Variants in CWC27 observed in about 807,000 individuals in gnomAD.
CWC27 encodes CWC27 spliceosome associated cyclophilin.
Under a neutral mutation model 63.6 loss-of-function variants are expected in CWC27, and 47 were observed. The observed-to-expected ratio is 0.74, with a 90% CI of 0.58 to 0.94. The LOEUF is 0.94. CWC27 is among the 40% of genes least tolerant of loss of function. CWC27 has a pLI of 0.00. For missense variants in CWC27, 495 were observed against 554.3 expected (o/e 0.89, Z 1.07); for synonymous variants, 175 against 179.8 (o/e 0.97, Z 0.22).
At chr5:64,812,469 C>T (rs1327743094) in intron 10 of CWC27, among the ~76,000 whole-genome samples, 1 of 152,082 alleles carries the variant, frequency 6.6e-6, no homozygotes, top group African/African-American at 2.4e-5. Flanking sequence ...GATCTATATA[C>T]TGGGTAGTTG....
At chr5:64,963,576 T>G (rs1748958371) in intron 11 of CWC27, among the ~76,000 whole-genome samples, 1 of 152,170 alleles carries the variant, frequency 6.6e-6, no homozygotes. Flanking sequence ...ATACACCAAG[T>G]TAGGAAATAG....
chr5:64,835,677 C>T (rs1745641541), intron 10 of CWC27, among the ~76,000 whole-genome samples: 1 of 151,686 alleles, frequency 6.6e-6, no homozygotes. Flanking sequence ...TGTGTGGAAC[C>T]TCAGTCTCTT....
At chr5:64,868,393 T>A (rs1746582405) in intron 10 of CWC27, among the ~76,000 whole-genome samples, 1 of 152,122 alleles carries the variant, frequency 6.6e-6, no homozygotes, top group Non-Finnish European at 1.5e-5. Flanking sequence ...TGAAGTTTGA[T>A]CAAATGTAAA....
intron 4 of CWC27, among the ~76,000 whole-genome samples, chr5:64,784,817 G>C (rs1212436161): frequency 1.3e-5 from 2 of 152,146 alleles, no homozygotes; most frequent in Non-Finnish European, 2.9e-5. Flanking sequence ...ATATGCATTG[G>C]CACATTCTTT....
intron 13 of CWC27, among the ~76,000 whole-genome samples, chr5:65,010,078 T>C (rs1268587368): frequency 6.6e-6 from 1 of 152,174 alleles, no homozygotes; most frequent in African/African-American, 2.4e-5. Flanking sequence ...ACTCAGGGCT[T>C]CTGAGTGCAT....
intron 10 of CWC27, among the ~76,000 whole-genome samples, chr5:64,833,289 A>G (rs1745576964): frequency 6.6e-6 from 1 of 151,760 alleles, no homozygotes; most frequent in Non-Finnish European, 1.5e-5. Flanking sequence ...AATGACACAT[A>G]GTTTAGTTCT....
intron 10 of CWC27, among the ~76,000 whole-genome samples, chr5:64,840,362 TAAAAAAAAAAAAAAA>T (rs10534375): frequency 9.0e-4 from 20 of 22,232 alleles, no homozygotes; most frequent in East Asian, 6.8e-3. Flanking sequence ...CCTTTTTCAT[TAAAAAAAAAAAAAAA>T]AAAAAAAAAA....
intron 11 of CWC27, among the ~76,000 whole-genome samples, chr5:64,959,740 C>G (rs780905810): frequency 4.6e-5 from 7 of 152,170 alleles, no homozygotes; most frequent in African/African-American, 7.2e-5. Flanking sequence ...CTTTTCCATT[C>G]AGTAAAAGCA....
intron 11 of CWC27, among the ~76,000 whole-genome samples, chr5:64,941,011 T>C (rs972305894): frequency 6.6e-6 from 1 of 152,014 alleles, no homozygotes; most frequent in African/African-American, 2.4e-5. Context: ...CATGCCTGGC[T>C]AATTTTTGTA....
At chr5:64,963,821 A>G (rs1231740899) in intron 11 of CWC27, among the ~76,000 whole-genome samples, 6 of 152,212 alleles carry the variant, frequency 3.9e-5, no homozygotes, top group Non-Finnish European at 7.4e-5. Context: ...GGGGAAAGAT[A>G]TCCTTAAGTC....
chr5:64,879,784 C>T (rs1357125295), intron 10 of CWC27, among the ~76,000 whole-genome samples: 10 of 125,876 alleles, frequency 7.9e-5, no homozygotes, highest in African/African-American at 2.6e-4. Flanking sequence ...GTTGAGAAAT[C>T]GGTTGCAAAA....
intron 10 of CWC27, among the ~76,000 whole-genome samples, chr5:64,813,598 A>T (rs909114802): frequency 1.7e-4 from 26 of 152,330 alleles, no homozygotes; most frequent in African/African-American, 6.3e-4. Context: ...CATTGATCTC[A>T]CTGCATCAGT....
chr5:64,953,736 A>G (rs1361867357), intron 11 of CWC27, among the ~76,000 whole-genome samples: 2 of 152,182 alleles, frequency 1.3e-5, no homozygotes, highest in East Asian at 3.8e-4. Flanking sequence ...TGTAATACAG[A>G]GTTCAGGGAC....
chr5:64,786,678 A>G, intron 6 of CWC27, 51 bp downstream of exon 6: 3 of 1,099,576 alleles, frequency 2.7e-6, no homozygotes, highest in Admixed American at 2.6e-5. Flanking sequence ...ACACTCATTC[A>G]TTTAGTTTAC....
intron 12 of CWC27, among the ~76,000 whole-genome samples, chr5:64,974,249 A>G (rs1037156989): frequency 6.6e-6 from 1 of 152,030 alleles, no homozygotes; most frequent in Non-Finnish European, 1.5e-5. Flanking sequence ...TAAAAAAAAA[A>G]ATGATAGGGT....
In CWC27 at chr5:64,840,385, AAAAAAAAAAATATATATATATATATAT is replaced by A. The variant is rs1266639661; in HGVS notation, c.938+36001_938+36027del. On this transcript the variant is annotated intron_variant, in intron 10 of 13. Transcript: ENST00000381070. ...ATTAAAAAAAAAAAAAAAAAAAAAA[AAAAAAAAAAATATATATATATATATAT>A]ATATATATATATATATATACTTATT... Among the ~76,000 whole-genome samples the A allele has an allele frequency of 7.1e-3, 496 of 69,472 alleles. 10 individuals are homozygous for A. Among genetic ancestry groups the A allele is most frequent in the African/African-American group, 0.022 (345 of 15,546 alleles). 45.6% of individuals were successfully genotyped at this position (69,472 alleles called of 152,430 possible). A position where few individuals can be genotyped will look rare whatever the true frequency, so the allele number is the denominator to read the frequency against.
At chr5:64,776,761 C>T (rs1205613816) in intron 2 of CWC27, among the ~76,000 whole-genome samples, 3 of 152,034 alleles carry the variant, frequency 2.0e-5, no homozygotes, top group Non-Finnish European at 2.9e-5. Context: ...TCTTGAAACA[C>T]TCATATTTAT....
intron 10 of CWC27, among the ~76,000 whole-genome samples, chr5:64,856,220 A>G (rs1402582089): frequency 6.6e-6 from 1 of 152,074 alleles, no homozygotes; most frequent in Non-Finnish European, 1.5e-5. Context: ...ATACTTATGG[A>G]CAATTGTTTT....
intron 11 of CWC27, among the ~76,000 whole-genome samples, chr5:64,921,930 G>A (rs550896531): frequency 3.9e-4 from 60 of 152,322 alleles, no homozygotes; most frequent in African/African-American, 1.3e-3. Flanking sequence ...TAGTTTGGCA[G>A]AATATGAAAT....
Sources: gnomAD v4.1 joint callset for allele counts (sites outside exome capture counted in the v4.1 genomes callset) on GRCh38, gnomAD v4.1.1 for gene constraint, MANE v1.5 for transcripts, NCBI Gene and HGNC (gene_info 2026-07-23, HGNC 2026-07-21) for gene names.